The following MYO1D variants were observed in gnomAD, a reference collection of about 807,000 sequenced individuals.
The protein encoded by MYO1D is unconventional myosin-Id.
In MYO1D, 83 loss-of-function variants were observed where a neutral mutation model predicts 122.0. The ratio of observed to expected loss-of-function variants is 0.68; its 90% CI spans 0.57 to 0.82. The LOEUF (loss-of-function observed/expected upper bound fraction) is 0.82, where lower values mean the gene tolerates loss of function less well. MYO1D is among the 40% of genes least tolerant of loss of function. MYO1D has a pLI of 0.00. For missense variants in MYO1D, 1,157 were observed against 1,269.5 expected (o/e 0.91, Z 1.35); for synonymous variants, 464 against 446.9 (o/e 1.04, Z -0.48).
At chr17:32,549,508 C>G (rs944952452) in intron 21 of MYO1D, among the ~76,000 whole-genome samples, 3 of 152,224 alleles carry the variant, frequency 2.0e-5, no homozygotes, top group African/African-American at 7.2e-5. Flanking sequence ...CACTGACTTT[C>G]TAATTTACGA....
chr17:32,850,827 A>G (rs919716690), intron 1 of MYO1D, among the ~76,000 whole-genome samples: 6 of 152,138 alleles, frequency 3.9e-5, no homozygotes, highest in Admixed American at 6.5e-5. Context: ...TTGATCACCA[A>G]CTTACCATGG....
chr17:32,846,092 T>G (rs2090935517), intron 1 of MYO1D, among the ~76,000 whole-genome samples: 1 of 152,208 alleles, frequency 6.6e-6, no homozygotes, highest in Non-Finnish European at 1.5e-5. Context: ...CTTCTTCCTT[T>G]TAATAGGACT....
intron 19 of MYO1D, among the ~76,000 whole-genome samples, chr17:32,640,324 T>A (rs2088177836): frequency 6.6e-6 from 1 of 152,140 alleles, no homozygotes. Context: ...TTTTCTTTCT[T>A]TTTTTCTTTT....
rs949271164 is a variant in MYO1D at position 32,573,562 on chromosome 17, G to A, written c.2864+31525C>T. ...TGAGGGAAGGTTTTGGTCTGTTACC[G>A]AGGCTGGAGTGCAGTGGTGTGATCA... On this transcript the variant is annotated intron_variant, in intron 21 of 21. Coordinates refer to ENST00000318217, the MANE Select transcript of MYO1D (RefSeq NM_015194.3). Among the ~76,000 whole-genome samples, 31 of 151,816 alleles carry A rather than the reference G, an allele frequency of 2.0e-4. No individual in the cohort carries two copies. The East Asian group carries it at 4.2e-3, about 21-fold the overall frequency.
intron 12 of MYO1D, 154 bp from the exon 13 acceptor site, chr17:32,745,439 C>T (rs1444480952): frequency 7.4e-6 from 4 of 544,068 alleles, no homozygotes; most frequent in Non-Finnish European, 1.3e-5. Context: ...TAAAGGATAC[C>T]AAATTTACCT....
chr17:32,735,895 C>T (rs142043839), intron 14 of MYO1D, among the ~76,000 whole-genome samples: 24 of 151,766 alleles, frequency 1.6e-4, no homozygotes, highest in African/African-American at 4.6e-4. Context: ...TATCTTTCTA[C>T]GTCTTTGTTT....
chr17:32,837,772 T>A (rs981896322), intron 1 of MYO1D, among the ~76,000 whole-genome samples: 1 of 152,180 alleles, frequency 6.6e-6, no homozygotes, highest in Non-Finnish European at 1.5e-5. Flanking sequence ...CCCTATTTTT[T>A]ATCAGTCTGA....
chr17:32,527,477 A>G (rs950423493), intron 21 of MYO1D, among the ~76,000 whole-genome samples: 1 of 152,324 alleles, frequency 6.6e-6, no homozygotes, highest in Non-Finnish European at 1.5e-5. Flanking sequence ...CAGAAGCAAG[A>G]CATTTCCTGC....
intron 1 of MYO1D, among the ~76,000 whole-genome samples, chr17:32,875,441 C>G (rs947531315): frequency 2.0e-5 from 3 of 152,132 alleles, no homozygotes; most frequent in African/African-American, 7.2e-5. Flanking sequence ...AACCCCAATC[C>G]TACAGACGGG....
intron 1 of MYO1D, chr17:32,794,210 A>AGTGT (rs1233673862): frequency 6.6e-6 from 1 of 152,182 alleles, no homozygotes; most frequent in African/African-American, 2.4e-5. Context: ...CATAAGAACT[A>AGTGT]GTTAGGACCA....
At chr17:32,644,408 G>A (rs1284508950) in intron 19 of MYO1D, among the ~76,000 whole-genome samples, 4 of 152,176 alleles carry the variant, frequency 2.6e-5, no homozygotes, top group Admixed American at 1.3e-4. Context: ...GGGGTGGAGA[G>A]TTCTGTAGAT....
intron 21 of MYO1D, among the ~76,000 whole-genome samples, chr17:32,553,645 T>C (rs1380862464): frequency 1.3e-5 from 2 of 152,210 alleles, no homozygotes; most frequent in East Asian, 1.9e-4. Context: ...ACTGCTGTCA[T>C]TCTGCTTCTC....
At chr17:32,780,840 A>T in intron 1 of MYO1D, 56 bp from the exon 2 acceptor site, 2 of 1,518,040 alleles carry the variant, frequency 1.3e-6, no homozygotes, top group South Asian at 1.1e-5. Flanking sequence ...GAAATGATGT[A>T]TCTGTCCTGT....
Position 32,712,008 on chromosome 17 carries a change from T to A in MYO1D, c.2101A>T (p.Ile701Phe). The change falls in exon 16 of 22, where the codon ATT (isoleucine) becomes TTT (phenylalanine). Residue 701 changes from isoleucine to phenylalanine, a missense_variant. Physicochemically the swap from Ile to Phe is conservative, Grantham distance 21. Transcript: ENST00000318217. ...ATTACCTTTTGTAGAAAGAGGACAA[T>A]CCTTATGAGCATCTGGGCACGGAGT... ...EELRAQMLIR[I>F]VLFLQKVWRG... 1 of 1,613,912 alleles carries A rather than the reference T, an allele frequency of 6.2e-7. No homozygotes were observed. Among genetic ancestry groups the A allele is most frequent in the Non-Finnish European group, 8.5e-7 (1 of 1,179,828 alleles).
intron 20 of MYO1D, among the ~76,000 whole-genome samples, chr17:32,622,743 G>C (rs961214941): frequency 1.8e-4 from 28 of 152,206 alleles, no homozygotes; most frequent in African/African-American, 6.8e-4. Context: ...CAGTTTGCAA[G>C]GGGGCAAAGA....
At chr17:32,740,843 G>C (rs1413761621) in intron 13 of MYO1D, among the ~76,000 whole-genome samples, 1 of 152,128 alleles carries the variant, frequency 6.6e-6, no homozygotes, top group Admixed American at 6.6e-5. Context: ...TAGAAGGGAA[G>C]CTCCTCCAGA....
At chr17:32,801,706 T>G (rs1156985700) in intron 1 of MYO1D, among the ~76,000 whole-genome samples, 1 of 152,200 alleles carries the variant, frequency 6.6e-6, no homozygotes, top group Non-Finnish European at 1.5e-5. Flanking sequence ...CATGTATGTG[T>G]GTGTGTGCAT....
intron 21 of MYO1D, among the ~76,000 whole-genome samples, chr17:32,516,625 G>A (rs1909900910): frequency 6.6e-6 from 1 of 152,222 alleles, no homozygotes; most frequent in East Asian, 1.9e-4. Context: ...TCTCCACATG[G>A]CTTCTTGCCA....
intron 21 of MYO1D, among the ~76,000 whole-genome samples, chr17:32,503,266 G>C (rs1407976288): frequency 2.6e-5 from 4 of 152,244 alleles, no homozygotes; most frequent in Admixed American, 1.3e-4. Context: ...CAGCTGGGCA[G>C]TGCAGGGTTT....
Sources: allele counts gnomAD v4.1 joint callset (sites outside exome capture counted in the v4.1 genomes callset), GRCh38; gene constraint gnomAD v4.1.1; transcripts MANE v1.5; gene names NCBI Gene and HGNC (gene_info 2026-07-23, HGNC 2026-07-21).